FMN1: variants seen among roughly 807,000 people sequenced by gnomAD.
The protein encoded by FMN1 is formin 1, also known as formin-1.
A neutral mutation model predicts 132.4 loss-of-function variants in FMN1; 110 were observed. The ratio of observed to expected loss-of-function variants is 0.83; its 90% CI spans 0.71 to 0.97. The LOEUF is 0.97. FMN1 is among the 50% of genes least tolerant of loss of function. FMN1 has a pLI of 0.00. For synonymous variants in FMN1, 722 were observed against 651.7 expected (o/e 1.11, Z -1.64); for missense variants, 1,792 against 1,705.3 (o/e 1.05, Z -0.90).
intron 17 of FMN1, among the ~76,000 whole-genome samples, chr15:32,824,438 T>A (rs2141122756): frequency 6.6e-6 from 1 of 152,342 alleles, no homozygotes; most frequent in South Asian, 2.1e-4. Flanking sequence ...TTAAATTTTA[T>A]TTGCAAGGAA....
At chr15:32,994,232 T>A (rs200555352) in intron 7 of FMN1, among the ~76,000 whole-genome samples, 36 of 37,248 alleles carry the variant, frequency 9.7e-4, no homozygotes, top group South Asian at 2.3e-3. Context: ...TCTCTCTCTC[T>A]CACACACACA....
intron 7 of FMN1, among the ~76,000 whole-genome samples, chr15:32,982,045 A>T (rs1020211032): frequency 6.6e-6 from 1 of 152,188 alleles, no homozygotes; most frequent in Non-Finnish European, 1.5e-5. Flanking sequence ...TAAGGAAAAA[A>T]AAATTCCCTC....
At chr15:33,087,998 G>A (rs1025488633) in intron 5 of FMN1, among the ~76,000 whole-genome samples, 1 of 152,120 alleles carries the variant, frequency 6.6e-6, no homozygotes, top group African/African-American at 2.4e-5. Flanking sequence ...TCATAAGTGG[G>A]AGCTAAGCTA....
At chr15:33,174,087 C>T (rs1011623570) in intron 3 of FMN1, among the ~76,000 whole-genome samples, 4 of 151,830 alleles carry the variant, frequency 2.6e-5, no homozygotes, top group African/African-American at 9.7e-5. Context: ...CTATAAACAA[C>T]AATTTCTGGG....
At chr15:33,063,403 T>G (rs983817485) in intron 6 of FMN1, 2 of 152,354 alleles carry the variant, frequency 1.3e-5, no homozygotes, top group Admixed American at 6.5e-5. Context: ...CCTCTTAAGT[T>G]CTAGTTTTCG....
Position 33,071,481 on chromosome 15 carries a change from A to C in FMN1, c.2044-6407T>G, listed in dbSNP as rs528250125. Among the ~76,000 whole-genome samples the C allele has an allele frequency of 6.6e-5, 10 of 152,322 alleles. No homozygotes were observed. In the South Asian group the frequency reaches 2.1e-3, roughly 32 times the overall value. ...ATGAATGAGGCTGTGAGGACATAAG[A>C]ATGAAGATAGCCCTGCCTTCCACCT... On this transcript the variant is annotated intron_variant, in intron 5 of 20. Transcript: ENST00000616417.
intron 16 of FMN1, among the ~76,000 whole-genome samples, chr15:32,886,315 C>T (rs2059896164): frequency 6.6e-6 from 1 of 152,052 alleles, no homozygotes; most frequent in African/African-American, 2.4e-5. Flanking sequence ...TTTGGTGAAG[C>T]CTGGTACAAA....
chr15:32,877,150 G>C (rs1244412017), intron 16 of FMN1, among the ~76,000 whole-genome samples: 2 of 152,184 alleles, frequency 1.3e-5, no homozygotes, highest in African/African-American at 4.8e-5. Flanking sequence ...AGCTGGGCAT[G>C]CTGGCGGGTG....
At chr15:32,820,939 G>A (rs955652543) in intron 17 of FMN1, among the ~76,000 whole-genome samples, 2 of 151,896 alleles carry the variant, frequency 1.3e-5, no homozygotes, top group African/African-American at 2.4e-5. Flanking sequence ...TAAATCATTT[G>A]CAAGAAGGTC....
intron 6 of FMN1, among the ~76,000 whole-genome samples, chr15:33,053,359 G>A (rs1260798095): frequency 2.6e-5 from 4 of 152,190 alleles, no homozygotes; most frequent in African/African-American, 9.7e-5. Flanking sequence ...GTCTGGCAAT[G>A]GGCACTGCAC....
intron 13 of FMN1, among the ~76,000 whole-genome samples, 199 bp downstream of exon 13, chr15:32,901,712 C>T (rs1398748186): frequency 6.6e-6 from 1 of 152,156 alleles, no homozygotes; most frequent in Non-Finnish European, 1.5e-5. Flanking sequence ...CCTTCTCCCT[C>T]TTCATCCATC....
At chr15:32,857,459 C>T (rs149389931) in intron 16 of FMN1, among the ~76,000 whole-genome samples, 7 of 152,190 alleles carry the variant, frequency 4.6e-5, no homozygotes, top group South Asian at 4.2e-4. Context: ...ATTAGTCTCA[C>T]GAAATTAAGG....
chr15:33,091,874 T>C (rs1278295463), intron 4 of FMN1, among the ~76,000 whole-genome samples: 1 of 152,236 alleles, frequency 6.6e-6, no homozygotes, highest in Non-Finnish European at 1.5e-5. Flanking sequence ...CATTTAATTT[T>C]CCGACACAAA....
intron 17 of FMN1, among the ~76,000 whole-genome samples, chr15:32,822,569 T>C (rs2058247503): frequency 6.6e-6 from 1 of 152,184 alleles, no homozygotes; most frequent in Non-Finnish European, 1.5e-5. Flanking sequence ...TCTCTCAGCA[T>C]TTTTCTAAAG....
In FMN1 at chr15:32,898,867, G is replaced by A. The variant is rs201891354; in HGVS notation, c.3681C>T (p.Tyr1227=). 18 of 1,600,600 alleles carry A rather than the reference G, an allele frequency of 1.1e-5. No homozygotes were observed. The East Asian group carries it at 1.6e-4, about 14-fold the overall frequency. The part of the protein sequence containing the change: ...SRDNGINLVD[Y]VVKYYLRYYD... ...AGTAACGCAGGTAATACTTAACAAC[G>A]TAGTCCACCAGATTAATCCCATTAT... The change falls in exon 15 of 21, where the codon TAC becomes TAT. Residue 1227 remains tyrosine (Y), a synonymous_variant. Coordinates refer to ENST00000616417, the MANE Select transcript of FMN1 (RefSeq NM_001277313.2).
At chr15:32,801,640 A>C (rs192827760) in intron 18 of FMN1, among the ~76,000 whole-genome samples, 143 of 152,162 alleles carry the variant, frequency 9.4e-4, no homozygotes, top group East Asian at 5.4e-3. Flanking sequence ...AACAAACAAA[A>C]AAAAATTATT....
chr15:32,851,489 G>C, intron 17 of FMN1, among the ~76,000 whole-genome samples: 1 of 152,266 alleles, frequency 6.6e-6, no homozygotes, highest in East Asian at 1.9e-4. Flanking sequence ...GAAAGCAGGA[G>C]CTCACAAAAT....
At chr15:32,815,754 C>T (rs77171368) in intron 17 of FMN1, among the ~76,000 whole-genome samples, 9 of 152,296 alleles carry the variant, frequency 5.9e-5, no homozygotes, top group African/African-American at 2.2e-4. Context: ...AATGGCCTAG[C>T]ACAGTCAGAT....
chr15:32,831,403 A>G (rs893348798), intron 17 of FMN1, among the ~76,000 whole-genome samples: 2 of 152,040 alleles, frequency 1.3e-5, no homozygotes, highest in African/African-American at 4.8e-5. Context: ...CGCACATATC[A>G]TGGAAGCTTG....
Sources: gnomAD v4.1 joint callset for allele counts (sites outside exome capture counted in the v4.1 genomes callset) on GRCh38, gnomAD v4.1.1 for gene constraint, MANE v1.5 for transcripts, NCBI Gene and HGNC (gene_info 2026-07-23, HGNC 2026-07-21) for gene names.